AKNA: variants seen among roughly 807,000 people sequenced by gnomAD.
AKNA encodes microtubule organization protein AKNA.
AKNA carries 67 observed loss-of-function variants against 138.8 expected under a neutral mutation model. The ratio of observed to expected loss-of-function variants is 0.48; its 90% CI spans 0.40 to 0.59. The LOEUF is 0.59. Among genes scored for constraint, AKNA ranks in the 20% least tolerant of loss-of-function variants. AKNA has a pLI of 0.00. For synonymous variants in AKNA, 737 were observed against 754.4 expected (o/e 0.98, Z 0.38); for missense variants, 1,813 against 1,880.4 (o/e 0.96, Z 0.66).
chr9:114,339,485 C>T (rs1830199133), intron 21 of AKNA, among the ~76,000 whole-genome samples: 2 of 152,210 alleles, frequency 1.3e-5, no homozygotes, highest in Non-Finnish European at 2.9e-5. Context: ...CAGCACAACC[C>T]ATTTCGCAGA....
intron 8 of AKNA, 33 bp from the exon 9 acceptor site, chr9:114,361,944 A>T (rs1319837609): frequency 6.3e-7 from 1 of 1,596,042 alleles, no homozygotes; most frequent in Non-Finnish European, 8.5e-7. Context: ...CCAGGAGCCC[A>T]AGATGGCAGC....
chr9:114,333,885 A>G (rs1829905230), downstream of AKNA, among the ~76,000 whole-genome samples: 1 of 150,644 alleles, frequency 6.6e-6, no homozygotes, highest in Non-Finnish European at 1.5e-5. Context: ...TTTCAGCCCC[A>G]TGTGTTGGAG....
chr9:114,370,897 A>T (rs890308884), intron 4 of AKNA, among the ~76,000 whole-genome samples: 8 of 152,204 alleles, frequency 5.3e-5, no homozygotes, highest in African/African-American at 1.9e-4. Context: ...ACCAACTTGC[A>T]GCCATCAGAA....
chr9:114,344,035 A>G (rs547856103), intron 18 of AKNA: 2 of 456,104 alleles, frequency 4.4e-6, no homozygotes, highest in Admixed American at 4.1e-5. Context: ...GTGTCTGTTT[A>G]TTGTAAGCTT....
intron 1 of AKNA, among the ~76,000 whole-genome samples, chr9:114,393,471 C>T (rs1043195066): frequency 4.5e-4 from 68 of 151,682 alleles, no homozygotes; most frequent in Non-Finnish European, 7.2e-4. Context: ...GTGATCCACC[C>T]GCCTCGGCCT....
Position 114,377,411 on chromosome 9 carries a change from C to T in AKNA, c.396G>A (p.Leu132=), listed in dbSNP as rs1393888028. 5.6e-6 allele frequency: 9 copies of T among 1,613,914 alleles called. No homozygotes were observed. The highest frequency in any genetic ancestry group is 7.6e-6 in the Non-Finnish European group (9 of 1,179,976). The part of the protein sequence containing the change: ...EEEPDGTLGS[L]EVEEAGESSS... ...AGCTCTCTCCAGCCTCCTCAACCTC[C>T]AGACTTCCGAGGGTCCCATCTGGCT... Residue 132 remains leucine (L), a synonymous_variant, in exon 3 of 22, where the codon CTG becomes CTA. Transcript: ENST00000374088.
chr9:114,330,808 T>C (rs765164125), downstream of AKNA: 8 of 1,613,872 alleles, frequency 5.0e-6, no homozygotes, highest in South Asian at 4.4e-5. Flanking sequence ...CCAGTGCTTC[T>C]ATAACTCCAG....
intron 1 of AKNA, chr9:114,394,229 G>GT (rs1363177544): frequency 3.3e-5 from 5 of 151,956 alleles, no homozygotes; most frequent in Non-Finnish European, 7.4e-5. Flanking sequence ...TTATAGGCAA[G>GT]TTTTTTTGAT....
At chr9:114,332,804 G>A (rs1305522650), downstream of AKNA, among the ~76,000 whole-genome samples, 1 of 152,206 alleles carries the variant, frequency 6.6e-6, no homozygotes. Flanking sequence ...TGCAGCATAA[G>A]GGCCCTGCAG....
At chr9:114,383,884 T>A (rs143474726) in intron 1 of AKNA, among the ~76,000 whole-genome samples, 1 of 152,246 alleles carries the variant, frequency 6.6e-6, no homozygotes, top group Non-Finnish European at 1.5e-5. Flanking sequence ...TGGATGGGTG[T>A]TCGGGGCTTC....
intron 15 of AKNA, chr9:114,349,075 C>A: frequency 2.4e-6 from 1 of 423,936 alleles, no homozygotes; most frequent in East Asian, 7.2e-5. Flanking sequence ...GTTTCTGAGG[C>A]AAAGCCACGA....
chr9:114,341,946 T>TCCTTG, intron 20 of AKNA, 63 bp downstream of exon 20: 1 of 1,497,110 alleles, frequency 6.7e-7, no homozygotes, highest in South Asian at 1.1e-5. Flanking sequence ...CACCCAGGTC[T>TCCTTG]AATAACCCTG....
chr9:114,344,618 G>A (rs941967598), intron 18 of AKNA: 1 of 152,242 alleles, frequency 6.6e-6, no homozygotes, highest in Non-Finnish European at 1.5e-5. Flanking sequence ...GAGGGTCAGA[G>A]AGGCTCAGAG....
chr9:114,348,828 G>C (rs2131834683), intron 15 of AKNA: 2 of 455,586 alleles, frequency 4.4e-6, no homozygotes, highest in East Asian at 7.0e-5. Flanking sequence ...GCGGATGCAG[G>C]CTCCACATCT....
In AKNA at chr9:114,360,016, T is replaced by C. The variant is rs1831821880; in HGVS notation, c.2171A>G (p.His724Arg). 2 of 1,614,068 alleles carry C rather than the reference T, an allele frequency of 1.2e-6. No homozygotes were observed. The highest frequency in any genetic ancestry group is 1.3e-5 in the African/African-American group (1 of 74,928). ...AAASTGPCPL[H>R]VNVEVSSGNS... Reference sequence around the variant, plus strand: ...GCCAGAGCTCACCTCCACATTTACGTGCAATGGGCAGGGGCCAGTGCTGGC... The same window carrying C: ...GCCAGAGCTCACCTCCACATTTACGCGCAATGGGCAGGGGCCAGTGCTGGC... Residue 724 changes from histidine to arginine, a missense_variant, in exon 10 of 22, where the codon CAC becomes CGC. Coordinates refer to ENST00000374088, the MANE Select transcript of AKNA (RefSeq NM_001317950.2).
rs1564095177 is a variant in AKNA, at chr9:114,381,328, G to A, written c.6C>T (p.Ala2=). The change falls in exon 2 of 22, where the codon GCC becomes GCT. Residue 2 remains alanine, a synonymous_variant. Coordinates refer to ENST00000374088, the MANE Select transcript of AKNA (RefSeq NM_001317950.2). ...CCCAGCGGATCTCAGTCTCCGAGCT[G>A]GCCATTGGGGCTGGCCTGGGCTTCA... M[A]SSETEIRWAE... is the part of the protein sequence containing the mutation. 6.3e-7 allele frequency: 1 copy of A among 1,586,604 alleles called. No individual in the cohort carries two copies. Among genetic ancestry groups the A allele is most frequent in the East Asian group, 2.3e-5 (1 of 44,022 alleles).
chr9:114,374,304 G>C (rs1454867835), intron 3 of AKNA, 137 bp from the exon 4 acceptor site: 3 of 832,656 alleles, frequency 3.6e-6, no homozygotes, highest in African/African-American at 1.7e-5. Flanking sequence ...GGTGGGATCC[G>C]AGCTGAGCAA....
intron 1 of AKNA, among the ~76,000 whole-genome samples, chr9:114,382,293 T>C (rs888735316): frequency 6.6e-6 from 1 of 151,948 alleles, no homozygotes; most frequent in Non-Finnish European, 1.5e-5. Flanking sequence ...GGGAGGATGA[T>C]GAAAAAAGCA....
At chr9:114,333,876 T>A (rs112094909), downstream of AKNA, among the ~76,000 whole-genome samples, 2,533 of 149,830 alleles carry the variant, frequency 0.017, 7 homozygotes, top group African/African-American at 0.061. Flanking sequence ...ACATGGAATT[T>A]TCAGCCCCAT....
Sources: gnomAD v4.1 joint callset for allele counts (sites outside exome capture counted in the v4.1 genomes callset) on GRCh38, gnomAD v4.1.1 for gene constraint, MANE v1.5 for transcripts, NCBI Gene and HGNC (gene_info 2026-07-23, HGNC 2026-07-21) for gene names.